Variants in RARB observed in about 807,000 individuals in gnomAD.
The protein encoded by RARB is HBV-activated protein.
In RARB, 17 loss-of-function variants were observed where a neutral mutation model predicts 51.9. That is an observed-to-expected ratio of 0.33 (90% CI 0.22 to 0.49). RARB has a LOEUF of 0.49. Ranked by LOEUF, RARB falls within the 20% of genes least tolerant of loss-of-function variation. The pLI is 0.99. For missense variants in RARB, 369 were observed against 550.8 expected (o/e 0.67, Z 3.30); for synonymous variants, 215 against 195.4 (o/e 1.10, Z -0.84).
At chr3:25,245,651 A>T (rs543377046) in intron 5 of RARB, among the ~76,000 whole-genome samples, 5 of 152,316 alleles carry the variant, frequency 3.3e-5, no homozygotes, top group African/African-American at 1.2e-4. Flanking sequence ...TCTTGCTTGT[A>T]GGGTTTCTGA....
intron 2 of RARB, among the ~76,000 whole-genome samples, chr3:24,972,642 G>T (rs901319392): frequency 2.6e-5 from 4 of 151,882 alleles, no homozygotes; most frequent in Non-Finnish European, 5.9e-5. Context: ...CCACATCCTT[G>T]CCAGCATCTG....
In RARB at chr3:25,321,539, G is replaced by A. The variant is rs184153379; in HGVS notation, c.179-139654G>A. On this transcript the variant is annotated intron_variant, in intron 5 of 11. Transcript: ENST00000383772. The stretch of plus-strand genomic sequence containing the variant: ...TCGAGACCAGCCCAGATGACATGGC[G>A]AAACCCCTTCTCTACTAAAAATTAA... Among the ~76,000 whole-genome samples, 885 of 152,078 alleles carry A rather than the reference G, an allele frequency of 5.8e-3. 7 individuals carry two copies. The highest frequency in any genetic ancestry group is 8.7e-3 in the Non-Finnish European group (591 of 67,988).
chr3:25,011,059 T>C (rs1697384516), intron 2 of RARB, among the ~76,000 whole-genome samples: 1 of 152,160 alleles, frequency 6.6e-6, no homozygotes, highest in African/African-American at 2.4e-5. Flanking sequence ...ATCTGTTCGA[T>C]TGTTATTTGT....
At chr3:24,849,195 T>G (rs748036580) in intron 1 of RARB, among the ~76,000 whole-genome samples, 26 of 152,206 alleles carry the variant, frequency 1.7e-4, no homozygotes, top group Admixed American at 2.6e-4. Flanking sequence ...AATAAGCAAT[T>G]ATAACAATAT....
intron 5 of RARB, among the ~76,000 whole-genome samples, chr3:25,413,219 A>T (rs532054205): frequency 5.9e-5 from 9 of 152,146 alleles, no homozygotes; most frequent in Non-Finnish European, 1.2e-4. Flanking sequence ...TATGAATAGA[A>T]TCAGAGTTGT....
Position 25,029,801 on chromosome 3 carries a change from C to T in RARB, c.-379-30324C>T, listed in dbSNP as rs144472683. Among the ~76,000 whole-genome samples, 9 of 152,306 alleles carry T rather than the reference C, an allele frequency of 5.9e-5. No homozygotes were observed. The East Asian group carries it at 1.3e-3, about 23-fold the overall frequency. On this transcript the variant is annotated intron_variant, in intron 2 of 11. Coordinates refer to the RARB transcript ENST00000383772. Reference sequence around the variant, plus strand: ...GGCAATGAGGGTCACACTACTATTTCATCCAAATGGGAAAAGGAAATTAAC... The same window carrying T: ...GGCAATGAGGGTCACACTACTATTTTATCCAAATGGGAAAAGGAAATTAAC...
At chr3:25,498,671 CACTG>C (rs145819716) in intron 2 of RARB, among the ~76,000 whole-genome samples, 4,491 of 152,240 alleles carry the variant, frequency 0.029, 219 homozygotes, top group African/African-American at 0.1. Context: ...CCTTTCTGGT[CACTG>C]ACTAAGTGTT....
At chr3:24,908,446 G>T (rs954012128) in intron 2 of RARB, among the ~76,000 whole-genome samples, 2 of 152,070 alleles carry the variant, frequency 1.3e-5, no homozygotes, top group African/African-American at 2.4e-5. Flanking sequence ...GAAAATCAAT[G>T]AAGCAAGAAC....
intron 2 of RARB, among the ~76,000 whole-genome samples, chr3:24,922,035 CCT>C (rs1400944234): frequency 1.3e-5 from 2 of 152,110 alleles, no homozygotes; most frequent in Non-Finnish European, 2.9e-5. Flanking sequence ...CATGCTAGAC[CCT>C]TGGGGCTAAG....
At chr3:25,270,307 G>A (rs533481856) in intron 5 of RARB, among the ~76,000 whole-genome samples, 35 of 152,152 alleles carry the variant, frequency 2.3e-4, no homozygotes, top group African/African-American at 8.2e-4. Flanking sequence ...GCTTTAAAAA[G>A]GAATGAAATT....
intron 2 of RARB, among the ~76,000 whole-genome samples, chr3:24,862,602 T>G (rs1702772954): frequency 6.6e-6 from 1 of 152,214 alleles, no homozygotes; most frequent in South Asian, 2.1e-4. Context: ...CCATGCTGTA[T>G]ATTCTGAGTC....
chr3:25,365,145 A>G (rs1220954289), intron 5 of RARB, among the ~76,000 whole-genome samples: 1 of 150,706 alleles, frequency 6.6e-6, no homozygotes, highest in East Asian at 1.9e-4. Context: ...TCCTATCCAG[A>G]ATGTCCTGTG....
At chr3:24,983,281 T>G (rs906046872) in intron 2 of RARB, among the ~76,000 whole-genome samples, 6 of 151,942 alleles carry the variant, frequency 3.9e-5, no homozygotes, top group Non-Finnish European at 8.8e-5. Flanking sequence ...GTATTTCCTT[T>G]TGTTTGTTTT....
chr3:25,318,904 A>G (rs1704493591), intron 5 of RARB, among the ~76,000 whole-genome samples: 3 of 152,124 alleles, frequency 2.0e-5, no homozygotes, highest in Non-Finnish European at 4.4e-5. Context: ...CAATTTACCA[A>G]CCTTTTATTT....
chr3:25,461,237 C>G lies in RARB; in HGVS notation c.202C>G (p.Pro68Ala). 6.2e-7 allele frequency: 1 copy of G among 1,613,810 alleles called. No individual in the cohort carries two copies. Among genetic ancestry groups the G allele is most frequent in the African/African-American group, 1.3e-5 (1 of 74,964 alleles). ...CAGCTCTGAGGAACTCGTCCCAAGC[C>G]CCCCATCTCCACTTCCTCCCCCTCG... ...STSSEELVPS[P>A]PSPLPPPRVY... The change falls in exon 2 of 8, where the codon CCC becomes GCC. Residue 68 changes from proline to alanine, a missense_variant. By Grantham distance (27) the Pro-to-Ala change is conservative. Coordinates refer to ENST00000330688, the MANE Select transcript of RARB (RefSeq NM_000965.5).
chr3:25,560,920 GTATAGGGCTCCCAC>G (rs1274322776), intron 3 of RARB, among the ~76,000 whole-genome samples: 3 of 152,070 alleles, frequency 2.0e-5, no homozygotes, highest in Admixed American at 1.3e-4. Context: ...AAACAAATTG[GTATAGGGCTCCCAC>G]TATTTTTGTT....
chr3:25,589,304 C>T (rs745661611), intron 5 of RARB, among the ~76,000 whole-genome samples: 33 of 152,098 alleles, frequency 2.2e-4, no homozygotes, highest in Non-Finnish European at 4.6e-4. Flanking sequence ...CCAAGATGGC[C>T]AGAAGTTCAT....
rs75236228 is a variant in RARB, at chr3:25,520,214, T to C, written c.448+18891T>C. ...TGCCAACCCTTGCCATATTCACTCT[T>C]AAAATTTTCTATTCTAATTCAAACA... On this transcript the variant is annotated intron_variant, in intron 3 of 7. Transcript: ENST00000330688. Among the ~76,000 whole-genome samples the C allele has an allele frequency of 2.2e-3, 337 of 152,306 alleles. 3 individuals are homozygous for C. The highest frequency in any genetic ancestry group is 4.3e-3 in the Non-Finnish European group (292 of 68,020).
chr3:24,912,974 TC>T (rs1341642397), intron 2 of RARB, among the ~76,000 whole-genome samples: 5 of 108,092 alleles, frequency 4.6e-5, no homozygotes, highest in Non-Finnish European at 7.3e-5. Context: ...AGGTACTGAT[TC>T]TTTTTTTTTT....
Sources: gnomAD v4.1 joint callset for allele counts (sites outside exome capture counted in the v4.1 genomes callset) on GRCh38, gnomAD v4.1.1 for gene constraint, MANE v1.5 for transcripts, NCBI Gene and HGNC (gene_info 2026-07-23, HGNC 2026-07-21) for gene names.